DAB2IP: variants seen among roughly 807,000 people sequenced by gnomAD.
DAB2IP encodes the protein disabled homolog 2-interacting protein.
DAB2IP carries 28 observed loss-of-function variants against 107.2 expected under a neutral mutation model. The observed-to-expected ratio is 0.26, with a 90% CI of 0.19 to 0.36. The LOEUF (loss-of-function observed/expected upper bound fraction) is 0.36. DAB2IP is among the 10% of genes least tolerant of loss of function. The pLI, the probability that DAB2IP is intolerant of heterozygous loss-of-function variation, is 1.00. For synonymous variants in DAB2IP, 755 were observed against 706.4 expected (o/e 1.07, Z -1.09); for missense variants, 1,400 against 1,644.7 (o/e 0.85, Z 2.57).
intron 3 of DAB2IP, among the ~76,000 whole-genome samples, chr9:121,748,009 C>G (rs748849205): frequency 6.6e-6 from 1 of 152,184 alleles, no homozygotes; most frequent in South Asian, 2.1e-4. Context: ...AGCGCCCTCT[C>G]GAATCCCTGG....
intron 1 of DAB2IP, among the ~76,000 whole-genome samples, chr9:121,588,639 G>GAAGGGAAGGA (rs1231745008): frequency 6.6e-6 from 1 of 151,330 alleles, no homozygotes; most frequent in East Asian, 2.0e-4. Flanking sequence ...GAAGGGAAGG[G>GAAGGGAAGGA]AAGGAAAGAG....
At chr9:121,691,247 G>A (rs1829146259) in intron 2 of DAB2IP, among the ~76,000 whole-genome samples, 1 of 151,764 alleles carries the variant, frequency 6.6e-6, no homozygotes, top group Admixed American at 6.6e-5. Flanking sequence ...GTATGGGGTG[G>A]GGGAGGCACT....
Position 121,651,979 on chromosome 9 carries a change from G to C in DAB2IP, c.124+80G>C. The C allele has an allele frequency of 8.6e-7, 1 of 1,165,384 alleles. No homozygotes were observed. Among genetic ancestry groups the C allele is most frequent in the Non-Finnish European group, 1.1e-6 (1 of 923,868 alleles). 72.2% of individuals were successfully genotyped at this position (1,165,384 alleles called of 1,614,324 possible). ...CTGATGCCCTGGGATGCTAGGGACC[G>C]GGATCCTCCTTCCAGCCATTTGCCG... On this transcript the variant is annotated intron_variant, in intron 1 of 15. Coordinates refer to ENST00000408936, the Ensembl canonical transcript of DAB2IP. The surrounding 1 kb of genome is among the most constrained non-coding windows in gnomAD (Gnocchi z 5.1).
intron 3 of DAB2IP, among the ~76,000 whole-genome samples, chr9:121,712,954 G>C (rs1830410114): frequency 6.6e-6 from 1 of 152,212 alleles, no homozygotes; most frequent in South Asian, 2.1e-4. Context: ...CCAGAGTGTT[G>C]GCACATCTCC....
chr9:121,763,604 G>A, exon 7 of DAB2IP: 2 of 1,613,854 alleles, frequency 1.2e-6, no homozygotes, highest in Non-Finnish European at 1.7e-6. Flanking sequence ...GGCCATTGAG[G>A]AGTACCTCAA....
At chr9:121,666,897 C>T (rs1015406802) in intron 1 of DAB2IP, among the ~76,000 whole-genome samples, 1 of 150,204 alleles carries the variant, frequency 6.7e-6, no homozygotes, top group Non-Finnish European at 1.5e-5. Flanking sequence ...CACACACACA[C>T]ACACACACAC....
rs761097332 is a variant in DAB2IP at position 121,760,512 on chromosome 9, G to C, written c.1170+73G>C. 1 of 1,463,504 alleles carries C rather than the reference G, an allele frequency of 6.8e-7. No individual in the cohort carries two copies. Among genetic ancestry groups the C allele is most frequent in the African/African-American group, 1.4e-5 (1 of 71,052 alleles). 90.7% of individuals were successfully genotyped at this position (1,463,504 alleles called of 1,614,324 possible). ...GGGTTACCTGCCCTTCCTCACATCC[G>C]TACATTTCAGGCCTAACAGAGGCCT... On this transcript the variant is annotated intron_variant, in intron 6 of 15. Transcript: ENST00000408936. This position sits in a 1 kb window ranked among gnomAD's most constrained non-coding sequence, Gnocchi z 5.9.
At chr9:121,666,955 C>T (rs546886263) in intron 1 of DAB2IP, among the ~76,000 whole-genome samples, 37 of 151,548 alleles carry the variant, frequency 2.4e-4, no homozygotes, top group Non-Finnish European at 4.4e-4. Context: ...ATAAGCTGGA[C>T]AGCTCTTCGT....
intron 1 of DAB2IP, among the ~76,000 whole-genome samples, chr9:121,582,836 CCA>C (rs1274734618): frequency 6.6e-6 from 1 of 152,272 alleles, no homozygotes; most frequent in African/African-American, 2.4e-5. Context: ...CTTTTGCTCA[CCA>C]CTGCCTCCAG....
At chr9:121,780,773 C>T (rs1319512812) in intron 14 of DAB2IP, among the ~76,000 whole-genome samples, 4 of 152,154 alleles carry the variant, frequency 2.6e-5, no homozygotes, top group African/African-American at 4.8e-5. Flanking sequence ...AGCAGCAGGA[C>T]GGAGCCGGCC....
chr9:121,582,318 G>A (rs1436318006), intron 1 of DAB2IP, among the ~76,000 whole-genome samples: 2 of 152,106 alleles, frequency 1.3e-5, no homozygotes, highest in African/African-American at 4.8e-5. Context: ...GCCAGGGTGG[G>A]ATGAGCAGCC....
intron 2 of DAB2IP, among the ~76,000 whole-genome samples, chr9:121,691,013 A>G (rs889172339): frequency 3.9e-5 from 6 of 152,112 alleles, no homozygotes; most frequent in Non-Finnish European, 8.8e-5. Flanking sequence ...CCCACCTTCA[A>G]TGTTTCTAAA....
upstream of DAB2IP, among the ~76,000 whole-genome samples, chr9:121,649,657 G>T (rs1307959062): frequency 1.3e-5 from 2 of 152,188 alleles, no homozygotes; most frequent in African/African-American, 2.4e-5. Context: ...CCTGGCTACG[G>T]AGGTTAGTCA....
intron 3 of DAB2IP, among the ~76,000 whole-genome samples, chr9:121,741,775 C>G (rs951193639): frequency 2.0e-5 from 3 of 151,120 alleles, no homozygotes; most frequent in Non-Finnish European, 4.4e-5. Context: ...CAGCTTCCTT[C>G]ACCCCAGCTG....
chr9:121,580,532 G>A (rs907996421), intron 1 of DAB2IP, among the ~76,000 whole-genome samples: 1 of 152,144 alleles, frequency 6.6e-6, no homozygotes, highest in Non-Finnish European at 1.5e-5. Flanking sequence ...AACAAAATAC[G>A]GAGGTTGGCC....
exon 16 of DAB2IP, chr9:121,784,084 G>A (rs1213299884): frequency 6.1e-6 from 1 of 163,166 alleles, no homozygotes; most frequent in African/African-American, 2.4e-5. Flanking sequence ...TCGGGGACAG[G>A]TGACAGTGGC....
chr9:121,585,035 G>A (rs1164662180), intron 1 of DAB2IP, among the ~76,000 whole-genome samples: 4 of 152,164 alleles, frequency 2.6e-5, no homozygotes, highest in African/African-American at 7.2e-5. Context: ...CTGCTGAGTA[G>A]CTTGGACTAC....
rs1833842611 is a variant in DAB2IP at position 121,760,977 on chromosome 9, A to G, written c.1170+538A>G. Among the ~76,000 whole-genome samples the G allele has an allele frequency of 6.6e-6, 1 of 152,242 alleles. No homozygotes were observed. The highest frequency in any genetic ancestry group is 2.4e-5 in the African/African-American group (1 of 41,456). On this transcript the variant is annotated intron_variant, in intron 6 of 15. Coordinates refer to ENST00000408936, the Ensembl canonical transcript of DAB2IP. The surrounding 1 kb of genome is among the most constrained non-coding windows in gnomAD (Gnocchi z 5.9). ...AAATTGTACTATTCGAGGGTTAGCC[A>G]GCCCCACCCCAGAGCCTCACAGAAG...
At chr9:121,612,205 C>T (rs577172453) in intron 1 of DAB2IP, among the ~76,000 whole-genome samples, 1 of 151,762 alleles carries the variant, frequency 6.6e-6, no homozygotes, top group African/African-American at 2.4e-5. Context: ...GTAGTCCCAG[C>T]TACTCTGGAG....
Sources: gnomAD v4.1 joint callset for allele counts (sites outside exome capture counted in the v4.1 genomes callset) on GRCh38, gnomAD v4.1.1 for gene constraint, Gnocchi (gnomAD v3.1) non-coding constraint, MANE v1.5 for transcripts, NCBI Gene and HGNC (gene_info 2026-07-23, HGNC 2026-07-21) for gene names.